TMEM47: variants seen among roughly 807,000 people sequenced by gnomAD.
The protein encoded by TMEM47 is transmembrane protein 47.
In TMEM47, 3 loss-of-function variants were observed where a neutral mutation model predicts 12.4. The ratio of observed to expected loss-of-function variants is 0.24; its 90% CI spans 0.11 to 0.63. TMEM47 has a LOEUF of 0.63. TMEM47 is among the 20% of genes least tolerant of loss of function. TMEM47 has a pLI of 0.86. For missense variants in TMEM47, 89 were observed against 143.8 expected (o/e 0.62, Z 1.95); for synonymous variants, 62 against 63.3 (o/e 0.98, Z 0.10).
chrX:34,641,041 C>T lies in TMEM47; in HGVS notation c.227-1654G>A, dbSNP rs769753427. On this transcript the variant is annotated intron_variant, in intron 1 of 2. Coordinates refer to ENST00000275954, the MANE Select transcript of TMEM47 (RefSeq NM_031442.4). The stretch of plus-strand genomic sequence containing the variant: ...TGGCTTTTAACTAGAAGTTAAAAGG[C>T]TAGCCATACTGGGCTTTTTTATTCC... 2.1e-4 allele frequency among the ~76,000 whole-genome samples: 23 copies of T among 108,497 alleles called. 1 individual carries two copies. The South Asian group carries it at 8.8e-3, about 42-fold the overall frequency. 94.2% of individuals were successfully genotyped at this position (108,497 alleles called of 115,157 possible). A position where few individuals can be genotyped will look rare whatever the true frequency, so the allele number is the denominator to read the frequency against.
chrX:34,655,277 C>T (rs891069857), intron 1 of TMEM47, among the ~76,000 whole-genome samples: 10 of 111,819 alleles, frequency 8.9e-5, no homozygotes, highest in Non-Finnish European at 1.7e-4. Flanking sequence ...CAGTAGCTGT[C>T]ATTCCTACAT....
chrX:34,637,474 A>G (rs1212145447), intron 2 of TMEM47, among the ~76,000 whole-genome samples: 1 of 111,696 alleles, frequency 9.0e-6, no homozygotes, highest in Non-Finnish European at 1.9e-5. Context: ...CATATTTATT[A>G]AATAAATAAA....
At chrX:34,637,514 G>C (rs1348014531) in intron 2 of TMEM47, among the ~76,000 whole-genome samples, 1 of 110,708 alleles carries the variant, frequency 9.0e-6, no homozygotes, top group Non-Finnish European at 1.9e-5. Context: ...ACATCCTTTT[G>C]ATATTTATTA....
rs1281417857 is a variant in TMEM47 at position 34,657,106 on chromosome X, C to T, written c.-77G>A. 2 of 1,061,442 alleles carry T rather than the reference C, an allele frequency of 1.9e-6. No individual in the cohort carries two copies. The highest frequency in any genetic ancestry group is 3.8e-4 in the Middle Eastern group (1 of 2,649). The allele number at this position is 1,061,442 out of a possible 1,213,427, so 87.5% of individuals were successfully genotyped here. Reference sequence around the variant, plus strand: ...TCCGGAGAGCCGGGAGCCGGACCTCCCGAAGGGAGAAGCCGCCGAGCTGCC... The same window carrying T: ...TCCGGAGAGCCGGGAGCCGGACCTCTCGAAGGGAGAAGCCGCCGAGCTGCC... On this transcript the variant is annotated 5_prime_UTR_variant, in exon 1 of 3. Transcript: ENST00000275954.
intron 1 of TMEM47, among the ~76,000 whole-genome samples, chrX:34,646,237 T>C (rs1028440070): frequency 1.5e-4 from 17 of 112,128 alleles, no homozygotes; most frequent in Non-Finnish European, 3.8e-5. Flanking sequence ...CAACAAATAA[T>C]GGAACATTTT....
chrX:34,630,517 G>C (rs373107619), intron 2 of TMEM47, 26 bp from the exon 3 acceptor site: 11 of 1,154,227 alleles, frequency 9.5e-6, no homozygotes, highest in Non-Finnish European at 1.3e-5. Context: ...ATCAAAATTA[G>C]AAAATGTTAT....
chrX:34,645,649 T>C (rs914894893), intron 1 of TMEM47, among the ~76,000 whole-genome samples: 1 of 111,866 alleles, frequency 8.9e-6, no homozygotes, highest in African/African-American at 3.2e-5. Context: ...CTCTGTGATG[T>C]AGACACAAAG....
At chrX:34,646,911 T>C (rs1421437299) in intron 1 of TMEM47, among the ~76,000 whole-genome samples, 2 of 111,621 alleles carry the variant, frequency 1.8e-5, no homozygotes, top group Non-Finnish European at 1.9e-5. Context: ...CACAGCACTT[T>C]GCACATTTAT....
At chrX:34,649,037 C>T (rs182474900) in intron 1 of TMEM47, among the ~76,000 whole-genome samples, 15 of 111,420 alleles carry the variant, frequency 1.3e-4, no homozygotes, top group African/African-American at 4.2e-4. Context: ...ATTAAAAAGT[C>T]AAAAAATAAC....
rs1303566882 is a variant in TMEM47, at chrX:34,656,877, G to A, written c.153C>T (p.Tyr51=). 2 of 1,175,151 alleles carry A rather than the reference G, an allele frequency of 1.7e-6. No homozygotes were observed. Among genetic ancestry groups the A allele is most frequent in the Non-Finnish European group, 2.3e-6 (2 of 877,338 alleles). ...PAWVTADHQY[Y]LSLWESCRKP... ...TCCGGCAGGACTCCCACAACGACAG[G>A]TAGTACTGGTGGTCAGCTGTGACCC... The change falls in exon 1 of 3, where the codon TAC becomes TAT. Residue 51 remains tyrosine (Y), a synonymous_variant. Coordinates refer to ENST00000275954, the MANE Select transcript of TMEM47 (RefSeq NM_031442.4).
chrX:34,630,620 T>C (rs1415345113), intron 2 of TMEM47, 129 bp from the exon 3 acceptor site: 2 of 529,694 alleles, frequency 3.8e-6, no homozygotes, highest in Non-Finnish European at 5.7e-6. Context: ...ATTTTAAAGA[T>C]GGCTTGTTCT....
chrX:34,633,739 G>C, intron 2 of TMEM47, among the ~76,000 whole-genome samples: 1 of 110,970 alleles, frequency 9.0e-6, no homozygotes, highest in South Asian at 3.8e-4. Flanking sequence ...GTTTTATTTA[G>C]CAAATATTTG....
intron 1 of TMEM47, among the ~76,000 whole-genome samples, chrX:34,656,419 T>C (rs1308860076): frequency 1.8e-5 from 2 of 109,568 alleles, no homozygotes; most frequent in Middle Eastern, 4.3e-3. Context: ...AGCATCTCGG[T>C]GGAGTTGGGG....
intron 1 of TMEM47, among the ~76,000 whole-genome samples, chrX:34,655,316 G>T (rs1011149009): frequency 9.0e-6 from 1 of 111,482 alleles, no homozygotes; most frequent in African/African-American, 3.3e-5. Flanking sequence ...GGGGAAAGGA[G>T]ATATTTTCGC....
chrX:34,657,035 G>T lies in TMEM47; in HGVS notation c.-6C>A, dbSNP rs1475570437. On this transcript the variant is annotated 5_prime_UTR_variant, in exon 1 of 3. Transcript: ENST00000275954. ...CCGCTGCCCGCCGAAGCCATTCCTG[G>T]GCGCCGCTGTCGTCCGCCCCGCCGC... is the stretch of plus-strand genomic sequence containing the variant. 4.4e-6 allele frequency: 5 copies of T among 1,138,027 alleles called. No individual in the cohort carries two copies. The highest frequency in any genetic ancestry group is 5.8e-6 in the Non-Finnish European group (5 of 857,311). The allele number at this position is 1,138,027 out of a possible 1,213,427, so 93.8% of individuals were successfully genotyped here.
intron 2 of TMEM47, among the ~76,000 whole-genome samples, chrX:34,636,817 G>A (rs1235281816): frequency 1.8e-5 from 2 of 111,145 alleles, no homozygotes; most frequent in Non-Finnish European, 3.8e-5. Context: ...GTTACAGGAC[G>A]GACTCCAACT....
intron 1 of TMEM47, among the ~76,000 whole-genome samples, chrX:34,654,803 A>C (rs1922075616): frequency 8.9e-6 from 1 of 111,961 alleles, no homozygotes; most frequent in Admixed American, 9.5e-5. Flanking sequence ...CTGGGCTGAA[A>C]ACTATTTTTT....
intron 1 of TMEM47, among the ~76,000 whole-genome samples, chrX:34,646,393 G>T (rs747341785): frequency 5.4e-5 from 6 of 111,700 alleles, no homozygotes; most frequent in African/African-American, 1.6e-4. Flanking sequence ...GCAAGTTCCA[G>T]TATTTGGACA....
Position 34,628,155 on chromosome X carries a change from T to C in TMEM47, c.*2158A>G, listed in dbSNP as rs1042556548. ...TACTAGGACCAAGAGAAGTGCCTCA[T>C]TGGTGTCAGCACCAAAGTACTATTC... On this transcript the variant is annotated 3_prime_UTR_variant, in exon 3 of 3. Coordinates refer to ENST00000275954, the MANE Select transcript of TMEM47 (RefSeq NM_031442.4). 3 of 111,770 alleles carry C rather than the reference T, an allele frequency of 2.7e-5. No individual in the cohort carries two copies. Among genetic ancestry groups the C allele is most frequent in the Non-Finnish European group, 5.7e-5 (3 of 53,035 alleles). The allele number at this position is 111,770 out of a possible 1,213,427, so 9.2% of individuals were successfully genotyped here.
Sources: allele counts gnomAD v4.1 joint callset (sites outside exome capture counted in the v4.1 genomes callset), GRCh38; gene constraint gnomAD v4.1.1; transcripts MANE v1.5; gene names NCBI Gene and HGNC (gene_info 2026-07-23, HGNC 2026-07-21).